Variants in ATP6V1H observed in about 807,000 individuals in gnomAD.
The protein encoded by ATP6V1H is V-type proton ATPase subunit H.
ATP6V1H carries 39 observed loss-of-function variants against 71.7 expected under a neutral mutation model. The ratio of observed to expected loss-of-function variants is 0.54; its 90% CI spans 0.42 to 0.71. The LOEUF (loss-of-function observed/expected upper bound fraction) is 0.71, where lower values mean the gene tolerates loss of function less well. Ranked by LOEUF, ATP6V1H falls within the 30% of genes least tolerant of loss-of-function variation. The pLI, the probability that ATP6V1H is intolerant of heterozygous loss-of-function variation, is 0.00. For synonymous variants in ATP6V1H, 192 were observed against 199.3 expected (o/e 0.96, Z 0.31); for missense variants, 509 against 594.9 (o/e 0.86, Z 1.50).
intron 11 of ATP6V1H, among the ~76,000 whole-genome samples, chr8:53,765,078 C>A (rs535122356): frequency 2.0e-4 from 30 of 152,172 alleles, no homozygotes; most frequent in Admixed American, 1.6e-3. Context: ...TCACTCCAAT[C>A]TGGGTGACAG....
chr8:53,811,333 C>A, intron 6 of ATP6V1H, 116 bp from the exon 7 acceptor site: 2 of 783,752 alleles, frequency 2.6e-6, no homozygotes, highest in East Asian at 5.5e-5. Context: ...TAATTTTTCC[C>A]CTATAATTTT....
intron 9 of ATP6V1H, among the ~76,000 whole-genome samples, chr8:53,775,919 G>A (rs1034855644): frequency 9.2e-5 from 14 of 152,256 alleles, no homozygotes; most frequent in African/African-American, 9.6e-5. Context: ...GCCCTTGGGC[G>A]GTCGATGGGA....
chr8:53,794,100 T>C (rs1360663093), intron 9 of ATP6V1H, among the ~76,000 whole-genome samples: 1 of 151,882 alleles, frequency 6.6e-6, no homozygotes, highest in African/African-American at 2.4e-5. Flanking sequence ...AATAAATAGC[T>C]CTACACCAAC....
chr8:53,741,282 ACT>A (rs1807405278), intron 13 of ATP6V1H, among the ~76,000 whole-genome samples: 1 of 152,200 alleles, frequency 6.6e-6, no homozygotes, highest in Non-Finnish European at 1.5e-5. Context: ...AATTTCCTCC[ACT>A]GGCAAAGGGA....
In ATP6V1H at chr8:53,794,115, C is replaced by T. The variant is rs536272081; in HGVS notation, c.870+1532G>A. On this transcript the variant is annotated intron_variant, in intron 9 of 13. Transcript: ENST00000359530. Reference sequence around the variant, plus strand: ...AATAAATAGCTCTACACCAACACAGCGGAAAATAGCCATTAAAAAAAATAC... The same window carrying T: ...AATAAATAGCTCTACACCAACACAGTGGAAAATAGCCATTAAAAAAAATAC... Among the ~76,000 whole-genome samples, 3 of 151,824 alleles carry T rather than the reference C, an allele frequency of 2.0e-5. No homozygotes were observed. The East Asian group carries it at 5.8e-4, about 29-fold the overall frequency.
At position 53,802,145 on chromosome 8, in the gene ATP6V1H, G is replaced by C. The variant is rs1035326090; in HGVS notation, c.580-249C>G. 3.9e-5 allele frequency among the ~76,000 whole-genome samples: 6 copies of C among 152,100 alleles called. No homozygotes were observed. In the East Asian group the frequency reaches 1.2e-3, roughly 29 times the overall value. The stretch of plus-strand genomic sequence containing the variant: ...ACTACTTAACACACAGGGAAATCCG[G>C]AACAAAATAATTTATATTTGATACA... On this transcript the variant is annotated intron_variant, in intron 7 of 13. Coordinates refer to ENST00000359530, the MANE Select transcript of ATP6V1H (RefSeq NM_015941.4).
intron 9 of ATP6V1H, among the ~76,000 whole-genome samples, chr8:53,773,021 A>G (rs1808729605): frequency 6.6e-6 from 1 of 152,144 alleles, no homozygotes; most frequent in Non-Finnish European, 1.5e-5. Flanking sequence ...AACAAATGCA[A>G]AAAGTGATTT....
chr8:53,819,618 A>ATATATACATATG (rs1351201730), intron 4 of ATP6V1H, among the ~76,000 whole-genome samples: 2 of 102,650 alleles, frequency 1.9e-5, no homozygotes, highest in Non-Finnish European at 3.5e-5. Flanking sequence ...TTGTATATAC[A>ATATATACATATG]TATATACATA....
chr8:53,779,482 T>G (rs1312239994), intron 9 of ATP6V1H, among the ~76,000 whole-genome samples: 1 of 150,860 alleles, frequency 6.6e-6, no homozygotes, highest in Admixed American at 6.6e-5. Flanking sequence ...TCTCCTTTAC[T>G]AAAGTGTGAG....
At chr8:53,759,180 A>C (rs1808177777) in intron 11 of ATP6V1H, among the ~76,000 whole-genome samples, 1 of 152,244 alleles carries the variant, frequency 6.6e-6, no homozygotes, top group East Asian at 1.9e-4. Flanking sequence ...GGAAGGAATC[A>C]CAGGCTTTCT....
rs187703812 is a variant in ATP6V1H, at chr8:53,732,554, G to A, written c.1391+11023C>T. Among the ~76,000 whole-genome samples, 326 of 151,896 alleles carry A rather than the reference G, an allele frequency of 2.1e-3. 1 individual carries two copies. The highest frequency in any genetic ancestry group is 6.3e-3 in the African/African-American group (259 of 41,396). On this transcript the variant is annotated intron_variant, in intron 13 of 13. Coordinates refer to ENST00000359530, the MANE Select transcript of ATP6V1H (RefSeq NM_015941.4). ...GCCATGTATTTCAGGTGGTGACAGG[G>A]GTCAGAGCCAGTGTACCCAGACCAA...
chr8:53,816,182 T>C (rs909930903), intron 5 of ATP6V1H, among the ~76,000 whole-genome samples: 1 of 152,254 alleles, frequency 6.6e-6, no homozygotes, highest in African/African-American at 2.4e-5. Context: ...AAATATACTA[T>C]ATGAATACAA....
intron 6 of ATP6V1H, among the ~76,000 whole-genome samples, chr8:53,811,836 C>T (rs1158517583): frequency 6.6e-6 from 1 of 152,010 alleles, no homozygotes; most frequent in Non-Finnish European, 1.5e-5. Context: ...GGCATGAGTC[C>T]CCACAACCCA....
chr8:53,794,706 G>A (rs1809675056), intron 9 of ATP6V1H, among the ~76,000 whole-genome samples: 2 of 152,070 alleles, frequency 1.3e-5, no homozygotes, highest in Admixed American at 1.3e-4. Context: ...GAAAGTATAA[G>A]AACAAAAATG....
At chr8:53,811,388 G>C (rs1810269281) in intron 6 of ATP6V1H, among the ~76,000 whole-genome samples, 171 bp from the exon 7 acceptor site, 1 of 152,096 alleles carries the variant, frequency 6.6e-6, no homozygotes, top group African/African-American at 2.4e-5. Context: ...GACATAAAAT[G>C]TTCTAAATAT....
chr8:53,749,086 TCA>T (rs1807704319), intron 12 of ATP6V1H, among the ~76,000 whole-genome samples: 1 of 152,234 alleles, frequency 6.6e-6, no homozygotes, highest in African/African-American at 2.4e-5. Flanking sequence ...TTTGAGAAGT[TCA>T]CAGTCTAGTG....
chr8:53,828,457 T>C (rs1437724532), intron 4 of ATP6V1H, among the ~76,000 whole-genome samples: 1 of 152,218 alleles, frequency 6.6e-6, no homozygotes, highest in Non-Finnish European at 1.5e-5. Context: ...ACGGTCCGCA[T>C]GCCGACTCAC....
chr8:53,823,026 A>T (rs1230832266), intron 4 of ATP6V1H, among the ~76,000 whole-genome samples: 1 of 152,180 alleles, frequency 6.6e-6, no homozygotes. Flanking sequence ...AAATGCATTT[A>T]TAAGGGGGAG....
intron 9 of ATP6V1H, among the ~76,000 whole-genome samples, chr8:53,782,664 T>A (rs1809196522): frequency 6.6e-6 from 1 of 152,236 alleles, no homozygotes; most frequent in Non-Finnish European, 1.5e-5. Context: ...TTCAGTATGA[T>A]ATTGGCTGTG....
Sources: allele counts gnomAD v4.1 joint callset (sites outside exome capture counted in the v4.1 genomes callset), GRCh38; gene constraint gnomAD v4.1.1; transcripts MANE v1.5; gene names NCBI Gene and HGNC (gene_info 2026-07-23, HGNC 2026-07-21).